The following GNG7 variants were observed in gnomAD, a reference collection of about 807,000 sequenced individuals.
GNG7 encodes G protein subunit gamma 7.
Under a neutral mutation model 4.0 loss-of-function variants are expected in GNG7, and 1 was observed. The ratio of observed to expected loss-of-function variants is 0.25; its 90% CI spans 0.09 to 1.18. The LOEUF is 1.18. Among genes scored for constraint, GNG7 ranks in the 50% most tolerant of loss-of-function variants. The pLI is 0.50. For missense variants in GNG7, 86 were observed against 91.9 expected, an observed-to-expected ratio of 0.94 and a Z score of 0.26; for synonymous variants, 34 against 36.9, an observed-to-expected ratio of 0.92 and a Z score of 0.29.
intron 1 of GNG7, among the ~76,000 whole-genome samples, chr19:2,679,785 C>CTCAT (rs77348605): frequency 0.067 from 10,130 of 152,262 alleles, 437 homozygotes; most frequent in Middle Eastern, 0.18. Flanking sequence ...CTTCACCTTA[C>CTCAT]TCATTGTATT....
At chr19:2,657,062 G>A (rs987205358) in intron 1 of GNG7, among the ~76,000 whole-genome samples, 12 of 151,838 alleles carry the variant, frequency 7.9e-5, no homozygotes, top group South Asian at 2.1e-4. Context: ...TTACAGGCGC[G>A]GTGGCTCATG....
At chr19:2,600,980 G>C (rs777044454) in intron 2 of GNG7, among the ~76,000 whole-genome samples, 5 of 152,060 alleles carry the variant, frequency 3.3e-5, no homozygotes, top group Non-Finnish European at 5.9e-5. Flanking sequence ...ATAAAAAAGA[G>C]AAACATAAAG....
At chr19:2,583,856 T>C (rs1404701601) in intron 2 of GNG7, among the ~76,000 whole-genome samples, 1 of 152,106 alleles carries the variant, frequency 6.6e-6, no homozygotes, top group Non-Finnish European at 1.5e-5. Flanking sequence ...CGCAAATCCA[T>C]ATTTGATAAT....
At chr19:2,591,300 TA>T (rs959767749) in intron 2 of GNG7, among the ~76,000 whole-genome samples, 4 of 152,216 alleles carry the variant, frequency 2.6e-5, no homozygotes, top group African/African-American at 9.6e-5. Flanking sequence ...TTGCCAATAC[TA>T]TTTGCCAACA....
chr19:2,642,773 C>T (rs1172750651), intron 2 of GNG7: 4 of 456,636 alleles, frequency 8.8e-6, no homozygotes, highest in East Asian at 1.4e-4. Flanking sequence ...GGATTACAGG[C>T]GTGAGCCATG....
chr19:2,651,742 T>G (rs1982837080), intron 1 of GNG7, among the ~76,000 whole-genome samples: 1 of 151,530 alleles, frequency 6.6e-6, no homozygotes, highest in African/African-American at 2.4e-5. Context: ...ATTTTTGTAG[T>G]TTTTGTAGAG....
intron 3 of GNG7, among the ~76,000 whole-genome samples, chr19:2,535,298 G>A (rs1024323247): frequency 6.8e-6 from 1 of 148,016 alleles, no homozygotes; most frequent in Non-Finnish European, 1.5e-5. Flanking sequence ...AGACCAGCCT[G>A]GGCAACATGG....
chr19:2,641,432 G>A (rs1012498010), intron 2 of GNG7, among the ~76,000 whole-genome samples: 4 of 151,538 alleles, frequency 2.6e-5, no homozygotes, highest in African/African-American at 9.7e-5. Flanking sequence ...TCCTCATAGC[G>A]TCCTCAGGAG....
chr19:2,669,213 TG>T (rs1568280010), intron 1 of GNG7, among the ~76,000 whole-genome samples: 1 of 152,136 alleles, frequency 6.6e-6, no homozygotes, highest in Non-Finnish European at 1.5e-5. Flanking sequence ...CGCTGTGGGT[TG>T]GGCGCGGTGG....
At chr19:2,568,467 C>CTT (rs1980020506) in intron 2 of GNG7, among the ~76,000 whole-genome samples, 1 of 151,356 alleles carries the variant, frequency 6.6e-6, no homozygotes, top group African/African-American at 2.4e-5. Context: ...TACACACACA[C>CTT]ATGCACATAC....
intron 1 of GNG7, among the ~76,000 whole-genome samples, chr19:2,680,811 C>T (rs138718514): frequency 5.9e-5 from 9 of 151,878 alleles, no homozygotes; most frequent in African/African-American, 1.9e-4. Context: ...CGACTTCATT[C>T]GTTTCTTTTT....
At chr19:2,551,601 A>C (rs1979327906) in intron 3 of GNG7, among the ~76,000 whole-genome samples, 2 of 147,950 alleles carry the variant, frequency 1.4e-5, no homozygotes, top group Admixed American at 1.4e-4. Context: ...ATTTATAAAT[A>C]TATAAACAAA....
intron 2 of GNG7, chr19:2,642,876 C>T (rs142980745): frequency 8.8e-5 from 40 of 456,460 alleles, no homozygotes; most frequent in African/African-American, 5.6e-4. Flanking sequence ...GAGCCCTCTC[C>T]GGGCTCTGCA....
chr19:2,582,557 A>C (rs1980532659), intron 2 of GNG7, among the ~76,000 whole-genome samples: 1 of 151,300 alleles, frequency 6.6e-6, no homozygotes, highest in Non-Finnish European at 1.5e-5. Flanking sequence ...ATTGTGCCTC[A>C]CTGCAGCTTG....
chr19:2,684,516 G>A (rs1230427790), intron 1 of GNG7, among the ~76,000 whole-genome samples: 2 of 152,068 alleles, frequency 1.3e-5, no homozygotes, highest in Non-Finnish European at 2.9e-5. Flanking sequence ...ACGTAGCGTG[G>A]TCCATACACA....
At chr19:2,603,164 T>A (rs1981266958) in intron 2 of GNG7, among the ~76,000 whole-genome samples, 1 of 152,024 alleles carries the variant, frequency 6.6e-6, no homozygotes, top group Non-Finnish European at 1.5e-5. Flanking sequence ...CCTCCCGGGT[T>A]CAAGCGATCC....
At chr19:2,521,867 G>C (rs1418921910) in intron 3 of GNG7, among the ~76,000 whole-genome samples, 3 of 152,068 alleles carry the variant, frequency 2.0e-5, no homozygotes, top group Non-Finnish European at 2.9e-5. Context: ...ACCCTCCTCG[G>C]CCTCTCAAAG....
rs115611335 is a variant in GNG7 at position 2,576,319 on chromosome 19, G to T, written c.-77-21131C>A. ...CGGGTTGATTCCAGCAGAACCCTTCGACCCAGGCCTGCACACGGTGTGCTG... is the reference window on the plus strand; with the variant it reads ...CGGGTTGATTCCAGCAGAACCCTTCTACCCAGGCCTGCACACGGTGTGCTG... On this transcript the variant is annotated intron_variant, in intron 2 of 4. Coordinates refer to ENST00000382159, the MANE Select transcript of GNG7 (RefSeq NM_052847.3). Among the ~76,000 whole-genome samples the T allele has an allele frequency of 9.0e-3, 1,371 of 152,316 alleles. 22 individuals are homozygous for T. The highest frequency in any genetic ancestry group is 0.031 in the African/African-American group (1,295 of 41,586).
chr19:2,603,981 G>T (rs7257259), intron 2 of GNG7, among the ~76,000 whole-genome samples: 24,976 of 151,562 alleles, frequency 0.16, 3,752 homozygotes, highest in African/African-American at 0.4. Context: ...CTCCTGAGTA[G>T]CTGGGACTAC....
Sources: allele counts gnomAD v4.1 joint callset (sites outside exome capture counted in the v4.1 genomes callset), GRCh38; gene constraint gnomAD v4.1.1; transcripts MANE v1.5; gene names NCBI Gene and HGNC (gene_info 2026-07-23, HGNC 2026-07-21).